LZTS1: variants seen among roughly 807,000 people sequenced by gnomAD.
LZTS1 encodes the protein leucine zipper putative tumor suppressor 1.
In LZTS1, 31 loss-of-function variants were observed where a neutral mutation model predicts 45.8. The ratio of observed to expected loss-of-function variants is 0.68; its 90% CI spans 0.51 to 0.91. The LOEUF is 0.91. LZTS1 is among the 40% of genes least tolerant of loss of function. The pLI, the probability that LZTS1 is intolerant of heterozygous loss-of-function variation, is 0.00. For missense variants in LZTS1, 821 were observed against 788.9 expected (o/e 1.04, Z -0.49); for synonymous variants, 359 against 357.3 (o/e 1.00, Z -0.05).
chr8:20,295,228 G>A (rs1800961743), intron 1 of LZTS1, among the ~76,000 whole-genome samples: 1 of 152,218 alleles, frequency 6.6e-6, no homozygotes, highest in South Asian at 2.1e-4. Context: ...GGCAATGGAT[G>A]AGCTATCAGG....
chr8:20,254,733 A>T, intron 2 of LZTS1, 104 bp downstream of exon 2: 1 of 936,762 alleles, frequency 1.1e-6, no homozygotes, highest in Non-Finnish European at 1.6e-6. Context: ...GAGGAGTCTG[A>T]ATGCTCAGGT....
intron 1 of LZTS1, among the ~76,000 whole-genome samples, chr8:20,297,949 C>T (rs979953042): frequency 9.2e-5 from 14 of 152,210 alleles, no homozygotes; most frequent in Non-Finnish European, 1.6e-4. Context: ...AATTGGTGAA[C>T]CCCAATGACT....
chr8:20,253,312 C>T lies in LZTS1; in HGVS notation c.619G>A (p.Gly207Arg). 6.2e-7 allele frequency: 1 copy of T among 1,614,084 alleles called. No individual in the cohort carries two copies. The highest frequency in any genetic ancestry group is 8.5e-7 in the Non-Finnish European group (1 of 1,180,042). ...VTPVGPTSRF[G>R]GSAHNITQGI... ...TGGGTGATGTTGTGGGCGGAGCCCC[C>T]AAAACGGCTTGTGGGTCCCACGGGT... Residue 207 changes from glycine (G) to arginine (R), a missense_variant, in exon 3 of 4, where the codon GGG becomes AGG. Transcript: ENST00000381569.
At chr8:20,286,131 A>G (rs1800787717) in intron 1 of LZTS1, among the ~76,000 whole-genome samples, 1 of 152,204 alleles carries the variant, frequency 6.6e-6, no homozygotes, top group South Asian at 2.1e-4. Flanking sequence ...AAAAAGCACT[A>G]TTCTAGAGGA....
intron 3 of LZTS1, among the ~76,000 whole-genome samples, chr8:20,250,570 T>C (rs1214479092): frequency 6.6e-6 from 1 of 152,218 alleles, no homozygotes; most frequent in Admixed American, 6.5e-5. Flanking sequence ...AGTAAAATGA[T>C]AAAATAATAA....
chr8:20,269,656 G>A (rs1436814907), intron 1 of LZTS1, among the ~76,000 whole-genome samples: 1 of 152,212 alleles, frequency 6.6e-6, no homozygotes, highest in Non-Finnish European at 1.5e-5. Flanking sequence ...GCATGGGCAA[G>A]GAGAAGGGGA....
chr8:20,252,663 T>G, intron 3 of LZTS1, 119 bp downstream of exon 3: 3 of 832,630 alleles, frequency 3.6e-6, no homozygotes, highest in Non-Finnish European at 5.2e-6. Flanking sequence ...AGCCAGCACA[T>G]TAGCCCCGCT....
intron 1 of LZTS1, among the ~76,000 whole-genome samples, chr8:20,283,656 G>C (rs1800737447): frequency 6.6e-6 from 1 of 152,164 alleles, no homozygotes; most frequent in Non-Finnish European, 1.5e-5. Context: ...TGGGGAGACA[G>C]ATGGTCCATT....
intron 1 of LZTS1, among the ~76,000 whole-genome samples, chr8:20,262,450 G>A (rs1385075174): frequency 6.7e-6 from 1 of 150,236 alleles, no homozygotes; most frequent in Non-Finnish European, 1.5e-5. Flanking sequence ...ACGTCTTTGT[G>A]TGTGCATGTG....
intron 1 of LZTS1, among the ~76,000 whole-genome samples, chr8:20,294,390 T>A (rs1323627312): frequency 6.6e-6 from 1 of 152,236 alleles, no homozygotes; most frequent in South Asian, 2.1e-4. Flanking sequence ...GCACAGCCTT[T>A]GAGCAGGGCC....
rs771887769 is a variant in LZTS1, at chr8:20,255,119, C to A, written c.63G>T (p.Ser21=). 9 of 1,614,136 alleles carry A rather than the reference C, an allele frequency of 5.6e-6. No individual in the cohort carries two copies. The highest frequency in any genetic ancestry group is 7.6e-6 in the Non-Finnish European group (9 of 1,180,038). Residue 21 remains serine, a synonymous_variant, in exon 2 of 4, where the codon TCG becomes TCT. Transcript: ENST00000381569. The part of the protein sequence containing the change: ...HSFHSKHCRA[S]QYKLRKSSHL... ...GGGAGGACTTGCGCAGCTTGTACTG[C>A]GAAGCCCGGCAGTGCTTGCTGTGGA...
rs1233250781 is a variant in LZTS1 at position 20,303,745 on chromosome 8, C to G, written c.-140G>C. ...CCCCGGCCACCGCACCTTACCTGCC[C>G]CCTGCGCCTCGGGCGCACTTGAGAC... On this transcript the variant is annotated 5_prime_UTR_variant, in exon 1 of 4. Coordinates refer to ENST00000381569, the MANE Select transcript of LZTS1 (RefSeq NM_021020.5). 1 of 985,474 alleles carries G rather than the reference C, an allele frequency of 1.0e-6. No homozygotes were observed. The highest frequency in any genetic ancestry group is 6.1e-5 in the Admixed American group (1 of 16,262). The allele number at this position is 985,474 out of a possible 1,614,324, so 61.0% of individuals were successfully genotyped here.
chr8:20,287,849 C>A (rs1235612141), intron 1 of LZTS1, among the ~76,000 whole-genome samples: 3 of 145,330 alleles, frequency 2.1e-5, no homozygotes, highest in Non-Finnish European at 4.5e-5. Flanking sequence ...TTGCTTGAGC[C>A]CAGGAGGTAG....
intron 1 of LZTS1, among the ~76,000 whole-genome samples, chr8:20,287,897 CAAAAAAAAAAAA>C (rs34653802): frequency 3.5e-4 from 19 of 54,110 alleles, no homozygotes; most frequent in Admixed American, 1.3e-3. Context: ...GCACTCCAGC[CAAAAAAAAAAAA>C]AAAAAAAAAA....
At chr8:20,274,516 T>C (rs1363100716) in intron 1 of LZTS1, among the ~76,000 whole-genome samples, 2 of 152,190 alleles carry the variant, frequency 1.3e-5, no homozygotes, top group African/African-American at 2.4e-5. Flanking sequence ...CACTCTGGCC[T>C]GAGCATTGGG....
In LZTS1 at chr8:20,254,907, C is replaced by T. The variant is rs151247193; in HGVS notation, c.275G>A (p.Gly92Asp). 5.6e-6 allele frequency: 9 copies of T among 1,614,064 alleles called. No homozygotes were observed. The highest frequency in any genetic ancestry group is 7.6e-6 in the Non-Finnish European group (9 of 1,180,036). The change falls in exon 2 of 4, where the codon GGC becomes GAC. Residue 92 changes from glycine to aspartate, a missense_variant. Coordinates refer to ENST00000381569, the MANE Select transcript of LZTS1 (RefSeq NM_021020.5). ...YTALSSGDLG[G>D]QAGVDFDPST... ...CGGGTCAAAGTCCACCCCAGCCTGG[C>T]CCCCTAAATCCCCGCTGGACAGTGC... is the stretch of plus-strand genomic sequence containing the variant.
intron 1 of LZTS1, among the ~76,000 whole-genome samples, chr8:20,265,732 A>G (rs911436406): frequency 2.0e-4 from 29 of 147,578 alleles, no homozygotes; most frequent in Non-Finnish European, 3.0e-4. Flanking sequence ...CCTGAATCTC[A>G]CCATGAAACC....
In LZTS1 at chr8:20,253,292, G is replaced by A; in HGVS notation, c.639C>T (p.Ile213=). The change falls in exon 3 of 4, where the codon ATC becomes ATT. Residue 213 remains isoleucine, a synonymous_variant. Coordinates refer to ENST00000381569, the MANE Select transcript of LZTS1 (RefSeq NM_021020.5). ...TGTCCTGGAGGACGATGCCCTGGGT[G>A]ATGTTGTGGGCGGAGCCCCCAAAAC... is the stretch of plus-strand genomic sequence containing the variant. ...TSRFGGSAHN[I]TQGIVLQDSN... 3 of 1,614,100 alleles carry A rather than the reference G, an allele frequency of 1.9e-6. No individual in the cohort carries two copies. Among genetic ancestry groups the A allele is most frequent in the Non-Finnish European group, 1.7e-6 (2 of 1,180,046 alleles).
chr8:20,281,526 G>T (rs1035391572), intron 1 of LZTS1, among the ~76,000 whole-genome samples: 1 of 152,078 alleles, frequency 6.6e-6, no homozygotes, highest in Admixed American at 6.5e-5. Flanking sequence ...AGCCAAGATC[G>T]CACCATTGCA....
Sources: allele counts gnomAD v4.1 joint callset (sites outside exome capture counted in the v4.1 genomes callset), GRCh38; gene constraint gnomAD v4.1.1; transcripts MANE v1.5; gene names NCBI Gene and HGNC (gene_info 2026-07-23, HGNC 2026-07-21).